TWIST2: variants seen among roughly 807,000 people sequenced by gnomAD.
TWIST2 encodes the protein twist-related protein 2.
A neutral mutation model predicts 11.6 loss-of-function variants in TWIST2; 1 was observed. The observed-to-expected ratio is 0.09, with a 90% confidence interval of 0.03 to 0.41. TWIST2 has a LOEUF of 0.41. Among genes scored for constraint, TWIST2 ranks in the 10% least tolerant of loss-of-function variants. TWIST2 has a pLI of 0.98. For synonymous variants in TWIST2, 87 were observed against 96.6 expected, an observed-to-expected ratio of 0.90 and a Z score of 0.58; for missense variants, 168 against 226.4, an observed-to-expected ratio of 0.74 and a Z score of 1.66.
chr2:238,880,484 CAGTGTT>C (rs1160362683), intron 1 of TWIST2, among the ~76,000 whole-genome samples: 8 of 95,306 alleles, frequency 8.4e-5, no homozygotes, highest in Admixed American at 1.2e-4. Flanking sequence ...TTATTAGTGT[CAGTGTT>C]AGTGTTAGTG....
chr2:238,883,472 A>T (rs1045663788), intron 1 of TWIST2, among the ~76,000 whole-genome samples: 1 of 152,202 alleles, frequency 6.6e-6, no homozygotes, highest in Non-Finnish European at 1.5e-5. Flanking sequence ...ATAAGGGAAG[A>T]AAAAAACAGA....
chr2:238,901,031 G>C (rs1307679527), intron 1 of TWIST2, among the ~76,000 whole-genome samples: 1 of 148,682 alleles, frequency 6.7e-6, no homozygotes, highest in Non-Finnish European at 1.5e-5. Flanking sequence ...CCAGGCTGGA[G>C]TACAGTGGCA....
intron 1 of TWIST2, among the ~76,000 whole-genome samples, chr2:238,859,967 C>A (rs1489158800): frequency 6.6e-6 from 1 of 152,184 alleles, no homozygotes; most frequent in Admixed American, 6.5e-5. Context: ...CTCCATGCTG[C>A]TTGCAGTCAG....
At chr2:238,901,368 C>T (rs1261148833) in intron 1 of TWIST2, among the ~76,000 whole-genome samples, 3 of 152,146 alleles carry the variant, frequency 2.0e-5, no homozygotes, top group Non-Finnish European at 4.4e-5. Flanking sequence ...TAAAACTTCT[C>T]CTTCTATTTG....
At chr2:238,860,344 C>G (rs1377080002) in intron 1 of TWIST2, among the ~76,000 whole-genome samples, 1 of 152,216 alleles carries the variant, frequency 6.6e-6, no homozygotes, top group Non-Finnish European at 1.5e-5. Context: ...GATCTGTGCA[C>G]CCTTTACATG....
intron 1 of TWIST2, among the ~76,000 whole-genome samples, chr2:238,892,328 A>G (rs62191088): frequency 0.75 from 114,291 of 152,138 alleles, 43,403 homozygotes; most frequent in Non-Finnish European, 0.8. Flanking sequence ...CGTGCGCTGC[A>G]CCACGTGTTA....
In TWIST2 at chr2:238,894,396, G is replaced by A. The variant is rs1052211756; in HGVS notation, c.*36-15446G>A. Among the ~76,000 whole-genome samples the A allele has an allele frequency of 5.9e-5, 9 of 152,048 alleles. No homozygotes were observed. In the South Asian group the frequency reaches 1.9e-3, roughly 32 times the overall value. On this transcript the variant is annotated intron_variant, in intron 1 of 1. Transcript: ENST00000612363. Reference sequence around the variant, plus strand: ...AAGCTGGGCCCCTGAGCGGCCCCTTGCCACCCCCACACTCAGCGGGTCACT... The same window carrying A: ...AAGCTGGGCCCCTGAGCGGCCCCTTACCACCCCCACACTCAGCGGGTCACT...
intron 1 of TWIST2, among the ~76,000 whole-genome samples, chr2:238,908,921 G>A (rs1193858972): frequency 2.0e-5 from 3 of 151,652 alleles, no homozygotes; most frequent in Non-Finnish European, 2.9e-5. Context: ...GTATGTGGCA[G>A]TGTGGTGTGT....
chr2:238,868,900 C>T (rs1298445712), intron 1 of TWIST2, among the ~76,000 whole-genome samples: 3 of 152,220 alleles, frequency 2.0e-5, no homozygotes, highest in Non-Finnish European at 2.9e-5. Flanking sequence ...ATGGAGGTGG[C>T]ATCCACCTGC....
At chr2:238,876,949 A>G (rs144544962) in intron 1 of TWIST2, among the ~76,000 whole-genome samples, 1,735 of 152,316 alleles carry the variant, frequency 0.011, 43 homozygotes, top group African/African-American at 0.038. Context: ...TATCATAAAG[A>G]GATTCTTCCT....
intron 1 of TWIST2, among the ~76,000 whole-genome samples, chr2:238,907,299 A>G (rs1693368827): frequency 6.6e-6 from 1 of 152,188 alleles, no homozygotes; most frequent in African/African-American, 2.4e-5. Flanking sequence ...CCTGGGTCTC[A>G]GACGCTGGCC....
At chr2:238,857,603 C>A (rs1401458175) in intron 1 of TWIST2, among the ~76,000 whole-genome samples, 1 of 151,724 alleles carries the variant, frequency 6.6e-6, no homozygotes, top group Non-Finnish European at 1.5e-5. Context: ...CGTAAAGCAT[C>A]CTTCTGCTTG....
At chr2:238,869,940 T>TACAC (rs1559273244) in intron 1 of TWIST2, among the ~76,000 whole-genome samples, 7 of 151,966 alleles carry the variant, frequency 4.6e-5, no homozygotes, top group Admixed American at 2.6e-4. Context: ...AGTGAGACTG[T>TACAC]GTCTCAAAAC....
chr2:238,880,526 A>G (rs2106364303), intron 1 of TWIST2, among the ~76,000 whole-genome samples: 1 of 90,380 alleles, frequency 1.1e-5, no homozygotes, highest in South Asian at 4.5e-4. Context: ...GTGTGTTAGT[A>G]TTGGTATTAG....
intron 1 of TWIST2, among the ~76,000 whole-genome samples, chr2:238,884,145 A>G (rs546669841): frequency 1.3e-5 from 2 of 152,230 alleles, no homozygotes; most frequent in Non-Finnish European, 2.9e-5. Flanking sequence ...CTTCTGGGAA[A>G]CAATGGGGCC....
At chr2:238,865,338 C>G (rs138211263) in intron 1 of TWIST2, among the ~76,000 whole-genome samples, 1 of 152,192 alleles carries the variant, frequency 6.6e-6, no homozygotes, top group Non-Finnish European at 1.5e-5. Context: ...CTGCTTTAAA[C>G]GACGGCGCAC....
rs148641022 is a variant in TWIST2, at chr2:238,851,286, T to G, written c.*35+2553T>G. Among the ~76,000 whole-genome samples the G allele has an allele frequency of 1.5e-3, 233 of 152,374 alleles. 2 individuals are homozygous for G. Among genetic ancestry groups the G allele is most frequent in the African/African-American group, 5.5e-3 (228 of 41,590 alleles). On this transcript the variant is annotated intron_variant, in intron 1 of 1. Coordinates refer to ENST00000612363, the MANE Select transcript of TWIST2 (RefSeq NM_001271893.4). ...GCTGCCGATATCTATCCTGCCTTTC[T>G]TCTTTGGCCTGGTATTTAAAAGCAC...
At chr2:238,880,399 A>G (rs1692895473) in intron 1 of TWIST2, among the ~76,000 whole-genome samples, 1 of 123,134 alleles carries the variant, frequency 8.1e-6, no homozygotes, top group South Asian at 3.0e-4. Context: ...TAGTGTTAGT[A>G]TTTATTAGTG....
intron 1 of TWIST2, among the ~76,000 whole-genome samples, chr2:238,881,469 T>C (rs565609309): frequency 1.2e-3 from 183 of 151,910 alleles, no homozygotes; most frequent in Non-Finnish European, 2.2e-3. Context: ...GTGTGAGTAT[T>C]AGTGTTAGTA....
Sources: allele counts gnomAD v4.1 joint callset (sites outside exome capture counted in the v4.1 genomes callset), GRCh38; gene constraint gnomAD v4.1.1; transcripts MANE v1.5; gene names NCBI Gene and HGNC (gene_info 2026-07-23, HGNC 2026-07-21).